KIF14: variants seen among roughly 807,000 people sequenced by gnomAD.
KIF14 encodes kinesin-like protein KIF14.
A neutral mutation model predicts 176.2 loss-of-function variants in KIF14; 98 were observed. The observed-to-expected ratio is 0.56, with a 90% CI of 0.47 to 0.66. KIF14 has a LOEUF of 0.66. KIF14 is among the 30% of genes least tolerant of loss of function. The pLI, the probability that KIF14 is intolerant of heterozygous loss-of-function variation, is 0.00. For missense variants in KIF14, 1,751 were observed against 1,920.4 expected, an observed-to-expected ratio of 0.91 and a Z score of 1.65; for synonymous variants, 566 against 632.2, an observed-to-expected ratio of 0.90 and a Z score of 1.57.
At chr1:200,564,059 C>T (rs1221962737) in intron 25 of KIF14, among the ~76,000 whole-genome samples, 3 of 151,828 alleles carry the variant, frequency 2.0e-5, no homozygotes, top group Middle Eastern at 3.2e-3. Flanking sequence ...GTCAGGAGTT[C>T]GAGACTAGCC....
rs1388501779 is a variant in KIF14, at chr1:200,617,858, G to T, written c.866C>A (p.Thr289Lys). Residue 289 changes from threonine to lysine, a missense_variant, in exon 2 of 30, where the codon ACA becomes AAA. Physicochemically the swap from Thr to Lys is moderately conservative, Grantham distance 78. Coordinates refer to ENST00000367350, the MANE Select transcript of KIF14 (RefSeq NM_014875.3). ...TKCTTEHKLT[T>K]KCSLPQLKSP... ...CTTAAGCTGAGGCAGGCTGCACTTTGTTGTCAGTTTGTGTTCTGTTGTACA... is the reference window on the plus strand; with the variant it reads ...CTTAAGCTGAGGCAGGCTGCACTTTTTTGTCAGTTTGTGTTCTGTTGTACA... 1 of 1,614,146 alleles carries T rather than the reference G, an allele frequency of 6.2e-7. No individual in the cohort carries two copies. Among genetic ancestry groups the T allele is most frequent in the Non-Finnish European group, 8.5e-7 (1 of 1,180,020 alleles).
At chr1:200,595,068 T>C (rs1354606024) in intron 14 of KIF14, among the ~76,000 whole-genome samples, 1 of 152,210 alleles carries the variant, frequency 6.6e-6, no homozygotes, top group East Asian at 1.9e-4. Context: ...TCACACTTAA[T>C]CAACCATATG....
chr1:200,580,050 T>C (rs1658358273), intron 21 of KIF14, among the ~76,000 whole-genome samples: 1 of 151,992 alleles, frequency 6.6e-6, no homozygotes, highest in South Asian at 2.1e-4. Flanking sequence ...CCAATAAAAC[T>C]CCATTTAAAT....
Position 200,584,690 on chromosome 1 carries a change from G to A in KIF14, c.3241+1411C>T, listed in dbSNP as rs538610747. ...AAAGACTCTCAACAAATTAGATATA[G>A]AAGAATGTACCTCAACATAATAAAG... On this transcript the variant is annotated intron_variant, in intron 19 of 29. Coordinates refer to ENST00000367350, the MANE Select transcript of KIF14 (RefSeq NM_014875.3). Among the ~76,000 whole-genome samples the A allele has an allele frequency of 3.9e-5, 6 of 152,238 alleles. No homozygotes were observed. In the South Asian group the frequency reaches 1.2e-3, roughly 32 times the overall value.
chr1:200,562,413 T>C (rs950192038), intron 25 of KIF14, among the ~76,000 whole-genome samples: 21 of 152,248 alleles, frequency 1.4e-4, no homozygotes, highest in African/African-American at 5.1e-4. Flanking sequence ...TCCTGCCCAG[T>C]AGGCATTTCC....
Position 200,593,740 on chromosome 1 carries a change from C to A in KIF14, c.2579G>T (p.Ser860Ile), listed in dbSNP as rs1291762254. ...CTIKNFGGTV[S>I]IIPVGEAKTY... Reference sequence around the variant, plus strand: ...CTTTGCTTCCCCAACTGGGATAATACTCACTGTCCCACCAAAATTTTTGAT... The same window carrying A: ...CTTTGCTTCCCCAACTGGGATAATAATCACTGTCCCACCAAAATTTTTGAT... Residue 860 changes from serine to isoleucine, a missense_variant, in exon 15 of 30, where the codon AGT (serine) becomes ATT (isoleucine). Coordinates refer to ENST00000367350, the MANE Select transcript of KIF14 (RefSeq NM_014875.3). 6.2e-7 allele frequency: 1 copy of A among 1,611,982 alleles called. No individual in the cohort carries two copies. The highest frequency in any genetic ancestry group is 1.1e-5 in the South Asian group (1 of 91,038).
At chr1:200,598,496 T>C (rs1017725839) in intron 13 of KIF14, 75 bp from the exon 14 acceptor site, 3 of 990,158 alleles carry the variant, frequency 3.0e-6, no homozygotes, top group Non-Finnish European at 4.4e-6. Flanking sequence ...ACAAATGGTC[T>C]ATATTAAACA....
In KIF14 at chr1:200,615,589, G is replaced by T. The variant is rs1314481439; in HGVS notation, c.1133C>A (p.Ser378Tyr). The T allele has an allele frequency of 1.2e-6, 2 of 1,609,828 alleles. No homozygotes were observed. Among genetic ancestry groups the T allele is most frequent in the Non-Finnish European group, 1.7e-6 (2 of 1,178,592 alleles). The change falls in exon 3 of 30, where the codon TCC becomes TAC. Residue 378 changes from serine (S) to tyrosine (Y), a missense_variant. By Grantham distance (144) the Ser-to-Tyr change is moderately radical (BLOSUM62 -2). Transcript: ENST00000367350. Reference protein sequence around the residue: ...FTKREKIEKASQVVFMSGKEI... With the variant: ...FTKREKIEKAYQVVFMSGKEI... ...TTTCCCACTCATGAAGACTACCTGGGATGCTTTTTCAATCTTCTCTCTTGA... is the reference window on the plus strand; with the variant it reads ...TTTCCCACTCATGAAGACTACCTGGTATGCTTTTTCAATCTTCTCTCTTGA...
chr1:200,577,388 G>A (rs546043705), intron 21 of KIF14, among the ~76,000 whole-genome samples: 1 of 151,988 alleles, frequency 6.6e-6, no homozygotes, highest in Admixed American at 6.6e-5. Flanking sequence ...GAACTCCTGG[G>A]CTCAAGTGAT....
At chr1:200,610,881 A>G (rs1477953854) in intron 4 of KIF14, among the ~76,000 whole-genome samples, 2 of 152,182 alleles carry the variant, frequency 1.3e-5, no homozygotes, top group Non-Finnish European at 2.9e-5. Flanking sequence ...TTGAACCAGA[A>G]AGAGGGGGTA....
At chr1:200,587,672 C>T (rs572340906) in intron 18 of KIF14, among the ~76,000 whole-genome samples, 3 of 152,084 alleles carry the variant, frequency 2.0e-5, no homozygotes, top group South Asian at 4.1e-4. Context: ...AAAAATTAGC[C>T]GGGCGTAGTG....
In KIF14 at chr1:200,618,288, T is replaced by G; in HGVS notation, c.436A>C (p.Asn146His). The G allele has an allele frequency of 6.2e-7, 1 of 1,613,836 alleles. No individual in the cohort carries two copies. The highest frequency in any genetic ancestry group is 8.5e-7 in the Non-Finnish European group (1 of 1,179,998). ...AEIDSVKMTL[N>H]VGGETENNGV... ...TTATTTTCTGTTTCACCTCCCACAT[T>G]CAGTGTCATTTTGACAGAATCTATT... Residue 146 changes from asparagine (N) to histidine (H), a missense_variant, in exon 2 of 30, where the codon AAT (asparagine) becomes CAT (histidine). Transcript: ENST00000367350.
At chr1:200,581,761 C>CTTTTTTTT (rs66935478) in intron 19 of KIF14, among the ~76,000 whole-genome samples, 4 of 83,046 alleles carry the variant, frequency 4.8e-5, no homozygotes, top group African/African-American at 1.4e-4. Context: ...TTTCACTTTC[C>CTTTTTTTT]TTTTTTTTTT....
chr1:200,555,810 A>G (rs1486036097), intron 27 of KIF14, among the ~76,000 whole-genome samples: 1 of 152,072 alleles, frequency 6.6e-6, no homozygotes, highest in East Asian at 1.9e-4. Flanking sequence ...TTTACCTGTG[A>G]CATGGGAAAA....
intron 2 of KIF14, 147 bp from the exon 3 acceptor site, chr1:200,615,756 C>A: frequency 1.4e-6 from 1 of 727,632 alleles, no homozygotes; most frequent in Admixed American, 3.3e-5. Flanking sequence ...TGCAGATAAG[C>A]AAACATAATT....
chr1:200,617,024 G>A (rs1449599645), intron 2 of KIF14, among the ~76,000 whole-genome samples: 2 of 152,158 alleles, frequency 1.3e-5, no homozygotes, highest in Non-Finnish European at 2.9e-5. Flanking sequence ...CTGGAGTGCA[G>A]TGGCCTGATG....
intron 25 of KIF14, among the ~76,000 whole-genome samples, chr1:200,564,844 A>C (rs1657355602): frequency 6.6e-6 from 1 of 152,240 alleles, no homozygotes; most frequent in Non-Finnish European, 1.5e-5. Flanking sequence ...TATAAGGATT[A>C]AATGAGTTAA....
intron 22 of KIF14, among the ~76,000 whole-genome samples, chr1:200,571,370 C>T (rs1657781441): frequency 6.6e-6 from 1 of 151,102 alleles, no homozygotes; most frequent in African/African-American, 2.4e-5. Flanking sequence ...GCTTGGCTGC[C>T]TAAGCTGTTA....
chr1:200,606,941 T>A, intron 5 of KIF14, 143 bp from the exon 6 acceptor site: 1 of 719,654 alleles, frequency 1.4e-6, no homozygotes, highest in Non-Finnish European at 2.3e-6. Context: ...ACAAAAACTC[T>A]CACAAAAACA....
Sources: gnomAD v4.1 joint callset for allele counts (sites outside exome capture counted in the v4.1 genomes callset) on GRCh38, gnomAD v4.1.1 for gene constraint, MANE v1.5 for transcripts, NCBI Gene and HGNC (gene_info 2026-07-23, HGNC 2026-07-21) for gene names.